PROCA1: variants seen among roughly 807,000 people sequenced by gnomAD.
PROCA1 encodes protein interacting with cyclin A1.
Under a neutral mutation model 23.2 loss-of-function variants are expected in PROCA1, and 22 were observed. The observed-to-expected ratio is 0.95, with a 90% CI of 0.68 to 1.35. The LOEUF (loss-of-function observed/expected upper bound fraction) is 1.35. PROCA1 is among the 40% of genes most tolerant of loss of function. The pLI is 0.00. For missense variants in PROCA1, 469 were observed against 459.8 expected (o/e 1.02, Z -0.18); for synonymous variants, 182 against 179.2 (o/e 1.02, Z -0.12).
At chr17:28,710,253 C>T (rs2032715659) in intron 1 of PROCA1, among the ~76,000 whole-genome samples, 1 of 150,692 alleles carries the variant, frequency 6.6e-6, no homozygotes. Context: ...AATCCCAGTA[C>T]TTTGGGAGGC....
At chr17:28,709,991 C>T (rs962334200) in intron 1 of PROCA1, among the ~76,000 whole-genome samples, 1 of 151,922 alleles carries the variant, frequency 6.6e-6, no homozygotes, top group Admixed American at 6.6e-5. Flanking sequence ...AGTGAGACGG[C>T]GGGAAGGACA....
In PROCA1 at chr17:28,711,791, C is replaced by A; in HGVS notation, c.-131G>T. ...TTCGCCCCCGCCTAGCCCCTAACCC[C>A]GCCTCATGCTGGCGCAGCCCCCGCC... is the stretch of plus-strand genomic sequence containing the variant. On this transcript the variant is annotated 5_prime_UTR_variant, in exon 1 of 5. Transcript: ENST00000682792. 1.4e-6 allele frequency: 1 copy of A among 703,258 alleles called. No individual in the cohort carries two copies. The highest frequency in any genetic ancestry group is 2.2e-5 in the South Asian group (1 of 45,654). 43.6% of individuals were successfully genotyped at this position (703,258 alleles called of 1,614,324 possible). A position where few individuals can be genotyped will look rare whatever the true frequency, so the allele number is the denominator to read the frequency against.
intron 2 of PROCA1, chr17:28,706,339 G>A (rs930306755): frequency 2.5e-5 from 5 of 202,928 alleles, no homozygotes; most frequent in Admixed American, 5.1e-5. Flanking sequence ...CTTACTAGCC[G>A]GGTGGCTTAG....
Position 28,703,815 on chromosome 17 carries a change from C to A in PROCA1, c.838G>T (p.Val280Leu). ...PVKLEPSPPD[V>L]SRSLSARQLA... ...TGTCTTGCGCTTAATGATCGGCTCA[C>A]GTCTGGCGGGGAAGGCTCCAATTTA... Residue 280 changes from valine to leucine, a missense_variant, in exon 5 of 5, where the codon GTG becomes TTG. By Grantham distance (32) the Val-to-Leu change is conservative. Coordinates refer to ENST00000682792, the MANE Select transcript of PROCA1 (RefSeq NM_001366301.1). 6.2e-7 allele frequency: 1 copy of A among 1,614,186 alleles called. No homozygotes were observed. The highest frequency in any genetic ancestry group is 8.5e-7 in the Non-Finnish European group (1 of 1,180,038).
rs778360597 is a variant in PROCA1, at chr17:28,704,806, G to A, written c.213C>T (p.His71=). The A allele has an allele frequency of 6.2e-7, 1 of 1,613,374 alleles. No individual in the cohort carries two copies. The highest frequency in any genetic ancestry group is 2.2e-5 in the East Asian group (1 of 44,902). The change falls in exon 3 of 5, where the codon CAC becomes CAT. Residue 71 remains histidine, a synonymous_variant. Coordinates refer to ENST00000682792, the MANE Select transcript of PROCA1 (RefSeq NM_001366301.1). ...AGATGATGTGCCCAGTGCACTGCTT[G>A]TGTCTCCAGCAGCACTTGTCAGGCT... is the stretch of plus-strand genomic sequence containing the variant. The part of the protein sequence containing the change: ...CKEPDKCCWR[H]KQCTGHIIYP...
chr17:28,710,951 G>T, intron 1 of PROCA1: 1 of 1,292,622 alleles, frequency 7.7e-7, no homozygotes. Flanking sequence ...CTGGGGGTGG[G>T]CACCAGAGCA....
intron 3 of PROCA1, 60 bp downstream of exon 3, chr17:28,704,648 A>G (rs745561673): frequency 6.2e-7 from 1 of 1,602,662 alleles, no homozygotes; most frequent in Non-Finnish European, 8.5e-7. Context: ...TGAAGGGGAG[A>G]CCACAATGAA....
At position 28,704,778 on chromosome 17, in the gene PROCA1, G is replaced by A. The variant is rs758909804; in HGVS notation, c.241C>T (p.Pro81Ser). The A allele has an allele frequency of 6.2e-7, 1 of 1,613,956 alleles. No homozygotes were observed. Among genetic ancestry groups the A allele is most frequent in the South Asian group, 1.1e-5 (1 of 91,070 alleles). The change falls in exon 3 of 5, where the codon CCT becomes TCT. Residue 81 changes from proline (P) to serine (S), a missense_variant. Transcript: ENST00000682792. ...TGGCGGACACAGTCAGAGGCGAAAG[G>A]GTAGATGATGTGCCCAGTGCACTGC... ...HKQCTGHIIY[P>S]FASDCVRHSL...
chr17:28,711,485 C>T, intron 1 of PROCA1, 85 bp downstream of exon 1: 3 of 1,159,854 alleles, frequency 2.6e-6, no homozygotes, highest in South Asian at 1.4e-5. Context: ...TCTCCCTCGT[C>T]GGTTTGCCGG....
At position 28,711,858 on chromosome 17, in the gene PROCA1, T is replaced by TG. The variant is rs2032803131; in HGVS notation, c.-199dup. ...CTCCAGGCTGCGTAGTCTTCCCAGC[T>TG]GGGTCTCAGCGTCAGCCGCGTTCTT... On this transcript the variant is annotated 5_prime_UTR_variant, in exon 1 of 5. It introduces an in-frame stop codon into an upstream open reading frame of the 5' UTR. Transcript: ENST00000682792. The TG allele has an allele frequency of 1.9e-6, 1 of 513,866 alleles. No homozygotes were observed. Among genetic ancestry groups the TG allele is most frequent in the African/African-American group, 2.0e-5 (1 of 49,418 alleles). 31.8% of individuals were successfully genotyped at this position (513,866 alleles called of 1,614,324 possible). A position where few individuals can be genotyped will look rare whatever the true frequency, so the allele number is the denominator to read the frequency against.
rs779208569 is a variant in PROCA1 at position 28,711,696 on chromosome 17, T to C, written c.-36A>G. On this transcript the variant is annotated 5_prime_UTR_variant, in exon 1 of 5. Transcript: ENST00000682792. ...CCAGGTCTTCGTCTCTACAGGACTCTTGCGTGAAGTCCAACCCTGAGCCTC... is the reference window on the plus strand; with the variant it reads ...CCAGGTCTTCGTCTCTACAGGACTCCTGCGTGAAGTCCAACCCTGAGCCTC... 8.2e-6 allele frequency: 13 copies of C among 1,584,154 alleles called. No individual in the cohort carries two copies. In the Admixed American group the frequency reaches 1.7e-4, roughly 21 times the overall value.
chr17:28,711,750 G>T lies in PROCA1; in HGVS notation c.-90C>A. The T allele has an allele frequency of 8.5e-7, 1 of 1,176,468 alleles. No homozygotes were observed. Among genetic ancestry groups the T allele is most frequent in the South Asian group, 1.5e-5 (1 of 65,768 alleles). The allele number at this position is 1,176,468 out of a possible 1,614,324, so 72.9% of individuals were successfully genotyped here. The stretch of plus-strand genomic sequence containing the variant: ...CCGGCCGAGCCCTCGGCCCAGCCGT[G>T]AACTCCAGTCTCGGCTTCGCCCCCG... On this transcript the variant is annotated 5_prime_UTR_variant, in exon 1 of 5. It introduces an in-frame stop codon into an upstream open reading frame of the 5' UTR. Transcript: ENST00000682792.
Position 28,704,460 on chromosome 17 carries a change from T to G in PROCA1, c.312-25A>C, listed in dbSNP as rs1246560149. On this transcript the variant is annotated intron_variant, in intron 3 of 4. Coordinates refer to ENST00000682792, the MANE Select transcript of PROCA1 (RefSeq NM_001366301.1). ...CCTGCCACACATGGGACTCTCAGCC[T>G]GGCTCCCATCACTCCCCCAGGGACC... The G allele has an allele frequency of 3.1e-6, 5 of 1,601,764 alleles. 1 individual carries two copies. Among genetic ancestry groups the G allele is most frequent in the East Asian group, 2.2e-5 (1 of 44,688 alleles).
rs2032391280 is a variant in PROCA1, at chr17:28,704,939, A to G, written c.176-96T>C. 9 of 1,193,518 alleles carry G rather than the reference A, an allele frequency of 7.5e-6. No homozygotes were observed. The East Asian group carries it at 2.2e-4, about 29-fold the overall frequency. 73.9% of individuals were successfully genotyped at this position (1,193,518 alleles called of 1,614,324 possible). On this transcript the variant is annotated intron_variant, in intron 2 of 4. Transcript: ENST00000682792. ...AACCTCACCAAATTCACCTGCCACCACCAGCTGTCCACCCCAAGAAGTGTT... is the reference window on the plus strand; with the variant it reads ...AACCTCACCAAATTCACCTGCCACCGCCAGCTGTCCACCCCAAGAAGTGTT...
intron 1 of PROCA1, chr17:28,711,120 G>T (rs2032760417): frequency 8.5e-7 from 1 of 1,182,180 alleles, no homozygotes; most frequent in African/African-American, 1.6e-5. Flanking sequence ...GGAGGTAATT[G>T]TGATGCCACG....
In PROCA1 at chr17:28,703,592, T is replaced by C. The variant is rs762593335; in HGVS notation, c.1061A>G (p.Lys354Arg). The stretch of plus-strand genomic sequence containing the variant: ...GTTGGGGTTTGATCCTGGGGGAGAT[T>C]TTCTCTTGTTTACCTTCCTGGCTTG... ...PSQARKVNKR[K>R]SPPGSNPNLS The change falls in exon 5 of 5, where the codon AAA becomes AGA. Residue 354 changes from lysine to arginine, a missense_variant. By Grantham distance (26) the Lys-to-Arg change is conservative. Coordinates refer to ENST00000682792, the MANE Select transcript of PROCA1 (RefSeq NM_001366301.1). 1.2e-5 allele frequency: 20 copies of C among 1,614,004 alleles called. No individual in the cohort carries two copies. The highest frequency in any genetic ancestry group is 1.7e-5 in the Non-Finnish European group (20 of 1,180,016).
At chr17:28,706,568 C>T (rs891019557) in intron 2 of PROCA1, 112 bp downstream of exon 2, 4 of 698,124 alleles carry the variant, frequency 5.7e-6, no homozygotes, top group Non-Finnish European at 8.8e-6. Flanking sequence ...GGGGCAGCTT[C>T]AGGACCACAC....
intron 1 of PROCA1, chr17:28,711,263 G>C (rs2032767901): frequency 1.4e-6 from 1 of 689,946 alleles, no homozygotes; most frequent in African/African-American, 1.8e-5. Flanking sequence ...GCCTGCGCCC[G>C]GTGCCACCCA....
chr17:28,708,265 A>C (rs948825353), intron 1 of PROCA1, among the ~76,000 whole-genome samples: 9 of 152,140 alleles, frequency 5.9e-5, no homozygotes, highest in African/African-American at 2.2e-4. Context: ...TCGGCCTCCC[A>C]AAGTGTTGGG....
Sources: allele counts gnomAD v4.1 joint callset (sites outside exome capture counted in the v4.1 genomes callset), GRCh38; gene constraint gnomAD v4.1.1; transcripts MANE v1.5; gene names NCBI Gene and HGNC (gene_info 2026-07-23, HGNC 2026-07-21).